Variants in PROCR observed in about 807,000 individuals in gnomAD.
PROCR encodes protein C receptor, also known as endothelial protein C receptor.
PROCR carries 22 observed loss-of-function variants against 24.2 expected under a neutral mutation model. The ratio of observed to expected loss-of-function variants is 0.91; its 90% confidence interval spans 0.65 to 1.30. The LOEUF (loss-of-function observed/expected upper bound fraction) is 1.30, where lower values mean the gene tolerates loss of function less well. Among genes scored for constraint, PROCR ranks in the 50% most tolerant of loss-of-function variants. PROCR has a pLI of 0.00. For missense variants in PROCR, 288 were observed against 307.7 expected, an observed-to-expected ratio of 0.94 and a Z score of 0.48; for synonymous variants, 137 against 139.2, an observed-to-expected ratio of 0.98 and a Z score of 0.11.
chr20:35,195,820 C>CAAA (rs58205912), intron 1 of PROCR, among the ~76,000 whole-genome samples: 1 of 77,584 alleles, frequency 1.3e-5, no homozygotes, highest in Non-Finnish European at 2.9e-5. Flanking sequence ...GAGTCTGTCT[C>CAAA]AAAAAAAAAA....
At chr20:35,172,298 C>A in intron 1 of PROCR, 74 bp downstream of exon 1, 4 of 1,515,140 alleles carry the variant, frequency 2.6e-6, no homozygotes, top group Non-Finnish European at 3.7e-6. Flanking sequence ...ATGGCAAGAC[C>A]ACAGGAGAGC....
chr20:35,192,153 A>G (rs1463552687), intron 1 of PROCR, among the ~76,000 whole-genome samples: 1 of 152,250 alleles, frequency 6.6e-6, no homozygotes, highest in Non-Finnish European at 1.5e-5. Context: ...GTAAATTGAT[A>G]TGAAACAACC....
intron 1 of PROCR, among the ~76,000 whole-genome samples, chr20:35,191,651 T>C (rs1157259971): frequency 6.6e-6 from 1 of 152,098 alleles, no homozygotes; most frequent in African/African-American, 2.4e-5. Flanking sequence ...CCAATTTAGA[T>C]AGACCGAACA....
At chr20:35,188,220 T>A (rs2086144031) in intron 1 of PROCR, among the ~76,000 whole-genome samples, 1 of 152,206 alleles carries the variant, frequency 6.6e-6, no homozygotes. Context: ...TTGTGCTAAC[T>A]GCTAGCAGGG....
chr20:35,182,752 G>A (rs749045907), intron 1 of PROCR, among the ~76,000 whole-genome samples: 1 of 152,114 alleles, frequency 6.6e-6, no homozygotes, highest in Non-Finnish European at 1.5e-5. Flanking sequence ...GAGGTGGGCA[G>A]TTCACCTGAG....
intron 1 of PROCR, among the ~76,000 whole-genome samples, chr20:35,200,132 T>C (rs1385199031): frequency 6.6e-6 from 1 of 152,228 alleles, no homozygotes; most frequent in Non-Finnish European, 1.5e-5. Flanking sequence ...TTTGTCAAGA[T>C]AGAATCTACT....
At chr20:35,191,646 T>A (rs1439476956) in intron 1 of PROCR, among the ~76,000 whole-genome samples, 4 of 152,002 alleles carry the variant, frequency 2.6e-5, no homozygotes, top group African/African-American at 9.7e-5. Context: ...ACAAGCCAAT[T>A]TAGATAGACC....
chr20:35,186,944 C>T (rs1265542568), intron 1 of PROCR, among the ~76,000 whole-genome samples: 1 of 150,978 alleles, frequency 6.6e-6, no homozygotes, highest in African/African-American at 2.4e-5. Context: ...CAAAGCAAGA[C>T]TCTGTCTCAA....
Position 35,175,805 on chromosome 20 carries a change from C to T in PROCR, c.323-363C>T, listed in dbSNP as rs1484383315. 2.0e-5 allele frequency among the ~76,000 whole-genome samples: 3 copies of T among 151,628 alleles called. No individual in the cohort carries two copies. In the South Asian group the frequency reaches 6.2e-4, roughly 31 times the overall value. On this transcript the variant is annotated intron_variant, in intron 2 of 3. Coordinates refer to ENST00000216968, the MANE Select transcript of PROCR (RefSeq NM_006404.5). Reference sequence around the variant, plus strand: ...TTCGCCATGTTGGCCAGGCTGGTCTCGAACTCCTGACCTCAGGCGATCCAC... The same window carrying T: ...TTCGCCATGTTGGCCAGGCTGGTCTTGAACTCCTGACCTCAGGCGATCCAC...
At chr20:35,190,798 G>A (rs2086167013) in intron 1 of PROCR, among the ~76,000 whole-genome samples, 1 of 152,276 alleles carries the variant, frequency 6.6e-6, no homozygotes, top group East Asian at 1.9e-4. Flanking sequence ...TCCAACTTCT[G>A]ACCTCTAAAA....
chr20:35,204,484 T>C (rs947346653), intron 1 of PROCR, among the ~76,000 whole-genome samples: 1 of 151,806 alleles, frequency 6.6e-6, no homozygotes, highest in Non-Finnish European at 1.5e-5. Context: ...TTATTCAGGC[T>C]GGAGTACAGT....
chr20:35,215,053 C>T (rs977032722), intron 1 of PROCR, among the ~76,000 whole-genome samples: 7 of 152,034 alleles, frequency 4.6e-5, no homozygotes, highest in South Asian at 4.1e-4. Context: ...ATTACAGGCA[C>T]GCGCCACCAA....
intron 1 of PROCR, among the ~76,000 whole-genome samples, chr20:35,214,830 T>C (rs952342820): frequency 6.6e-6 from 1 of 152,012 alleles, no homozygotes; most frequent in Non-Finnish European, 1.5e-5. Context: ...GTCGGGGGAT[T>C]GGACTGGGAC....
At chr20:35,186,226 C>T (rs1295018340) in intron 1 of PROCR, among the ~76,000 whole-genome samples, 1 of 152,012 alleles carries the variant, frequency 6.6e-6, no homozygotes, top group Non-Finnish European at 1.5e-5. Flanking sequence ...ATTATCTAGC[C>T]ATGAAAATGA....
At chr20:35,207,335 C>G (rs2060346099) in intron 1 of PROCR, among the ~76,000 whole-genome samples, 1 of 151,182 alleles carries the variant, frequency 6.6e-6, no homozygotes, top group South Asian at 2.1e-4. Flanking sequence ...GTAAATTTTA[C>G]TGAATGTAAA....
chr20:35,208,873 G>A (rs1658378798), intron 1 of PROCR, among the ~76,000 whole-genome samples: 1 of 152,158 alleles, frequency 6.6e-6, no homozygotes, highest in African/African-American at 2.4e-5. Flanking sequence ...TCGGGAGGCT[G>A]AGGCAGGAGA....
downstream of PROCR, among the ~76,000 whole-genome samples, chr20:35,181,969 A>C (rs1014985109): frequency 6.6e-6 from 1 of 152,162 alleles, no homozygotes; most frequent in African/African-American, 2.4e-5. Context: ...TACCTCCATC[A>C]CCAATGCTGC....
chr20:35,202,790 A>G (rs921840208), intron 1 of PROCR: 4 of 152,210 alleles, frequency 2.6e-5, no homozygotes, highest in Non-Finnish European at 5.9e-5. Flanking sequence ...TAACTGATAA[A>G]CAAATAGATG....
chr20:35,175,812 C>G (rs1487054831), intron 2 of PROCR, among the ~76,000 whole-genome samples: 1 of 151,776 alleles, frequency 6.6e-6, no homozygotes, highest in East Asian at 1.9e-4. Flanking sequence ...TCTCGAACTC[C>G]TGACCTCAGG....
Sources: gnomAD v4.1 joint callset for allele counts (sites outside exome capture counted in the v4.1 genomes callset) on GRCh38, gnomAD v4.1.1 for gene constraint, MANE v1.5 for transcripts, NCBI Gene and HGNC (gene_info 2026-07-23, HGNC 2026-07-21) for gene names.